The following PRRG1 variants were observed in gnomAD, a reference collection of about 807,000 sequenced individuals.
PRRG1 encodes the protein transmembrane gamma-carboxyglutamic acid protein 1.
Under a neutral mutation model 11.8 loss-of-function variants are expected in PRRG1, and 5 were observed. The ratio of observed to expected loss-of-function variants is 0.42; its 90% CI spans 0.22 to 0.89. PRRG1 has a LOEUF of 0.89. Among genes scored for constraint, PRRG1 ranks in the 40% least tolerant of loss-of-function variants. PRRG1 has a pLI of 0.28. For synonymous variants in PRRG1, 66 were observed against 60.4 expected, an observed-to-expected ratio of 1.09 and a Z score of -0.43; for missense variants, 155 against 166.1, an observed-to-expected ratio of 0.93 and a Z score of 0.37.
intron 2 of PRRG1, among the ~76,000 whole-genome samples, chrX:37,416,547 A>T (rs1321391581): frequency 2.7e-5 from 3 of 111,916 alleles, no homozygotes; most frequent in Non-Finnish European, 5.6e-5. Context: ...AAGACTACTG[A>T]TATTGCTGCT....
At chrX:37,370,429 C>T (rs782266473) in intron 1 of PRRG1, among the ~76,000 whole-genome samples, 17 of 111,520 alleles carry the variant, frequency 1.5e-4, no homozygotes, top group African/African-American at 4.2e-4. Context: ...GGGGGAGGTA[C>T]GACCAAGGCT....
At chrX:37,404,609 G>A (rs1487874992) in intron 1 of PRRG1, among the ~76,000 whole-genome samples, 2 of 110,449 alleles carry the variant, frequency 1.8e-5, no homozygotes, top group Non-Finnish European at 3.8e-5. Context: ...GTATGTCCAG[G>A]CCACCTCCAG....
intron 3 of PRRG1, among the ~76,000 whole-genome samples, chrX:37,440,184 T>A (rs1318756665): frequency 8.9e-6 from 1 of 112,099 alleles, no homozygotes; most frequent in African/African-American, 3.2e-5. Flanking sequence ...ACCAGTATTT[T>A]AAGTGTCCAA....
intron 1 of PRRG1, among the ~76,000 whole-genome samples, chrX:37,353,453 AT>A (rs1930134949): frequency 9.0e-6 from 1 of 111,711 alleles, no homozygotes; most frequent in Non-Finnish European, 1.9e-5. Flanking sequence ...AAAGAATTAC[AT>A]TTTTTATATA....
chrX:37,383,173 C>A (rs1281721456), intron 1 of PRRG1, among the ~76,000 whole-genome samples: 5 of 111,862 alleles, frequency 4.5e-5, no homozygotes, highest in Admixed American at 3.8e-4. Context: ...TCTGCACGTG[C>A]CTTTTAATTT....
intron 2 of PRRG1, among the ~76,000 whole-genome samples, chrX:37,423,305 G>A (rs1212365154): frequency 4.6e-5 from 5 of 109,289 alleles, no homozygotes; most frequent in Admixed American, 3.9e-4. Context: ...TTTTTAAATA[G>A]GAAAAAGGCT....
rs1929978242 is a variant in PRRG1, at chrX:37,349,412, C to A, written c.-42+17C>A. The A allele has an allele frequency of 8.9e-6, 1 of 112,640 alleles. No homozygotes were observed. Among genetic ancestry groups the A allele is most frequent in the Non-Finnish European group, 1.9e-5 (1 of 53,211 alleles). The allele number at this position is 112,640 out of a possible 1,213,427, so 9.3% of individuals were successfully genotyped here. On this transcript the variant is annotated intron_variant, in intron 1 of 3. Transcript: ENST00000378628. ...GGACCCGCTGTGAGTGTGGCGGCCGCGCTGGGTTCCTAGCTGGGGAAACGT... is the reference window on the plus strand; with the variant it reads ...GGACCCGCTGTGAGTGTGGCGGCCGAGCTGGGTTCCTAGCTGGGGAAACGT...
intron 1 of PRRG1, among the ~76,000 whole-genome samples, chrX:37,373,800 G>C (rs1437603290): frequency 9.0e-6 from 1 of 110,871 alleles, no homozygotes; most frequent in Non-Finnish European, 1.9e-5. Context: ...GCTCTTGCTA[G>C]GACTTCCAGT....
At chrX:37,421,809 C>G (rs1932667686) in intron 2 of PRRG1, among the ~76,000 whole-genome samples, 1 of 112,088 alleles carries the variant, frequency 8.9e-6, no homozygotes, top group Non-Finnish European at 1.9e-5. Flanking sequence ...CTGGCAAATT[C>G]TCTGCCACTA....
At position 37,438,409 on chromosome X, in the gene PRRG1, C is replaced by T. The variant is rs543656161; in HGVS notation, c.171+12409C>T. Among the ~76,000 whole-genome samples the T allele has an allele frequency of 1.2e-4, 12 of 98,589 alleles. No homozygotes were observed. In the South Asian group the frequency reaches 2.9e-3, roughly 24 times the overall value. The allele number at this position is 98,589 out of a possible 115,157, so 85.6% of individuals were successfully genotyped here. A position where few individuals can be genotyped will look rare whatever the true frequency, so the allele number is the denominator to read the frequency against. ...TACATACTATGACATGGCATGGATTCGTTGAAAGCAGAATTTTTTCCTTTT... is the reference window on the plus strand; with the variant it reads ...TACATACTATGACATGGCATGGATTTGTTGAAAGCAGAATTTTTTCCTTTT... On this transcript the variant is annotated intron_variant, in intron 3 of 3. Coordinates refer to ENST00000378628, the MANE Select transcript of PRRG1 (RefSeq NM_001142395.2).
At chrX:37,419,488 A>G (rs1464940937) in intron 2 of PRRG1, among the ~76,000 whole-genome samples, 8 of 112,184 alleles carry the variant, frequency 7.1e-5, no homozygotes, top group African/African-American at 2.6e-4. Context: ...ATGAATCATA[A>G]AAGTATATTG....
chrX:37,423,277 G>A (rs986046917), intron 2 of PRRG1, among the ~76,000 whole-genome samples: 3 of 109,656 alleles, frequency 2.7e-5, no homozygotes, highest in South Asian at 3.8e-4. Flanking sequence ...AGTTTCAAAA[G>A]TAAAAAATAC....
chrX:37,351,153 C>T (rs915466859), intron 1 of PRRG1, among the ~76,000 whole-genome samples: 1 of 111,413 alleles, frequency 9.0e-6, no homozygotes, highest in African/African-American at 3.3e-5. Flanking sequence ...TGATAAGCAC[C>T]TAATAAACTA....
At chrX:37,353,129 T>C (rs1930126057) in intron 1 of PRRG1, among the ~76,000 whole-genome samples, 1 of 111,872 alleles carries the variant, frequency 8.9e-6, no homozygotes, top group Non-Finnish European at 1.9e-5. Context: ...ACCCATGTTA[T>C]TGCCCCTGAA....
chrX:37,398,647 T>C (rs781895223), intron 1 of PRRG1, among the ~76,000 whole-genome samples: 1 of 112,065 alleles, frequency 8.9e-6, no homozygotes, highest in Admixed American at 9.4e-5. Flanking sequence ...CTTTGACGAG[T>C]TGAGAGAAGA....
intron 2 of PRRG1, among the ~76,000 whole-genome samples, chrX:37,420,309 T>TC (rs1483496161): frequency 9.0e-6 from 1 of 110,559 alleles, no homozygotes; most frequent in East Asian, 2.8e-4. Context: ...ACCACAAGGC[T>TC]CCCCCCATCA....
intron 1 of PRRG1, among the ~76,000 whole-genome samples, chrX:37,372,853 T>C (rs1332513969): frequency 8.0e-5 from 9 of 112,718 alleles, no homozygotes; most frequent in African/African-American, 2.9e-4. Flanking sequence ...TGGTATCATA[T>C]TCAAAAAACT....
At position 37,371,720 on chromosome X, in the gene PRRG1, C is replaced by T. The variant is rs782188975; in HGVS notation, c.-42+22325C>T. Among the ~76,000 whole-genome samples the T allele has an allele frequency of 3.5e-5, 4 of 113,286 alleles. No individual in the cohort carries two copies. The South Asian group carries it at 1.1e-3, about 30-fold the overall frequency. On this transcript the variant is annotated intron_variant, in intron 1 of 3. Transcript: ENST00000378628. ...CAGCCACAGCCTTGCAGGGAGCCAG[C>T]GCCCATGCCAGCATCTGGAGTTTCC...
intron 2 of PRRG1, among the ~76,000 whole-genome samples, chrX:37,420,683 AAAAAG>A (rs1184722284): frequency 8.5e-5 from 9 of 105,572 alleles, no homozygotes; most frequent in Non-Finnish European, 1.5e-4. Context: ...AAAAAAAAAA[AAAAAG>A]AAAAGAAAGA....
Sources: allele counts gnomAD v4.1 joint callset (sites outside exome capture counted in the v4.1 genomes callset), GRCh38; gene constraint gnomAD v4.1.1; transcripts MANE v1.5; gene names NCBI Gene and HGNC (gene_info 2026-07-23, HGNC 2026-07-21).